The following RPS9 variants were observed in gnomAD, a reference collection of about 807,000 sequenced individuals.
RPS9 encodes the protein small ribosomal subunit protein uS4.
In RPS9, 1 loss-of-function variant was observed where a neutral mutation model predicts 16.9. The ratio of observed to expected loss-of-function variants is 0.06; its 90% CI spans 0.02 to 0.28. The LOEUF is 0.28. Among genes scored for constraint, RPS9 ranks in the 10% least tolerant of loss-of-function variants. The probability of loss-of-function intolerance (pLI) is 1.00; values close to 1 mark genes in which losing one functional copy is unlikely to be tolerated. For synonymous variants in RPS9, 106 were observed against 110.9 expected (o/e 0.96, Z 0.28); for missense variants, 137 against 273.2 (o/e 0.50, Z 3.51).
At chr19:54,202,821 A>T in intron 3 of RPS9, 1 of 985,432 alleles carries the variant, frequency 1.0e-6, no homozygotes, top group Non-Finnish European at 1.2e-6. Flanking sequence ...GCGCATGTTT[A>T]GCTACAGATT....
intron 4 of RPS9, chr19:54,206,806 C>A: frequency 8.0e-7 from 1 of 1,244,530 alleles, no homozygotes; most frequent in Non-Finnish European, 1.1e-6. Flanking sequence ...TCTCCTGGCC[C>A]GCTTGTGAAG....
At chr19:54,204,294 G>C (rs1240927873) in intron 3 of RPS9, among the ~76,000 whole-genome samples, 4 of 152,220 alleles carry the variant, frequency 2.6e-5, no homozygotes, top group African/African-American at 9.6e-5. Context: ...AATCCCAGGA[G>C]GCGGAGTTTG....
At chr19:54,206,067 C>T (rs1600767270) in intron 3 of RPS9, among the ~76,000 whole-genome samples, 2 of 152,204 alleles carry the variant, frequency 1.3e-5, no homozygotes, top group Admixed American at 6.5e-5. Flanking sequence ...TGATCCGTCT[C>T]GGACTCCCAA....
intron 3 of RPS9, chr19:54,202,578 G>A (rs982462561): frequency 5.1e-6 from 5 of 984,258 alleles, no homozygotes; most frequent in East Asian, 1.1e-4. Flanking sequence ...ACATTAAATT[G>A]AAAATGTACC....
intron 3 of RPS9, among the ~76,000 whole-genome samples, chr19:54,203,788 G>A: frequency 1.8e-5 from 1 of 56,864 alleles, no homozygotes; most frequent in Middle Eastern, 0.01. Context: ...CCACCCCCCA[G>A]CACAACTGTG....
rs77594199 is a variant in RPS9, at chr19:54,207,284, G to T, written c.408-114G>T. ...AGGTGCACCCTTCCTGCAGCGCCTT[G>T]GTGTCTGCAGCCGTGGCGGCCTCAC... On this transcript the variant is annotated intron_variant, in intron 4 of 4. Coordinates refer to ENST00000302907, the MANE Select transcript of RPS9 (RefSeq NM_001013.4). 7.7e-3 allele frequency: 6,550 copies of T among 848,578 alleles called. 283 individuals carry two copies. The African/African-American group carries it at 0.099, about 13-fold the overall frequency. 52.6% of individuals were successfully genotyped at this position (848,578 alleles called of 1,614,324 possible).
At chr19:54,205,212 C>T (rs987268450) in intron 3 of RPS9, among the ~76,000 whole-genome samples, 3 of 151,860 alleles carry the variant, frequency 2.0e-5, no homozygotes, top group African/African-American at 7.3e-5. Context: ...TAGCAGTGAG[C>T]GGGAGCCTAG....
intron 2 of RPS9, 101 bp downstream of exon 2, chr19:54,201,382 T>C (rs1568885378): frequency 1.2e-6 from 2 of 1,606,874 alleles, no homozygotes; most frequent in Non-Finnish European, 1.7e-6. Context: ...CCCCTAAATT[T>C]GGTACTATTC....
At position 54,201,232 on chromosome 19, in the gene RPS9, G is replaced by T. The variant is rs1347086452; in HGVS notation, c.48G>T (p.Pro16=). The change falls in exon 2 of 5, where the codon CCG becomes CCT. Residue 16 remains proline (P), a synonymous_variant. Transcript: ENST00000302907. ...SWVCRKTYVT[P]RRPFEKSRLD... is the part of the protein sequence containing the mutation. The stretch of plus-strand genomic sequence containing the variant: ...TTTGTCGCAAAACTTATGTGACCCC[G>T]CGGAGACCCTTCGAGAAATCTCGTC... 1 of 1,612,058 alleles carries T rather than the reference G, an allele frequency of 6.2e-7. No individual in the cohort carries two copies. Among genetic ancestry groups the T allele is most frequent in the Admixed American group, 1.7e-5 (1 of 59,852 alleles).
intron 1 of RPS9, 86 bp downstream of exon 1, chr19:54,200,974 C>T: frequency 7.0e-7 from 1 of 1,425,406 alleles, no homozygotes; most frequent in Non-Finnish European, 9.1e-7. Context: ...AAGCTAAAGA[C>T]GTTAGGAAAC....
intron 4 of RPS9, 135 bp downstream of exon 4, chr19:54,206,597 C>G: frequency 1.3e-6 from 2 of 1,552,274 alleles, no homozygotes; most frequent in Non-Finnish European, 1.7e-6. Flanking sequence ...GGTACAGATT[C>G]ACCCTTGCAC....
At chr19:54,204,690 A>G (rs2077181493) in intron 3 of RPS9, among the ~76,000 whole-genome samples, 1 of 152,222 alleles carries the variant, frequency 6.6e-6, no homozygotes, top group African/African-American at 2.4e-5. Context: ...TTGGGTTTAT[A>G]GGCCAGGCAT....
chr19:54,203,156 C>T (rs775881948), intron 3 of RPS9: 63 of 932,392 alleles, frequency 6.8e-5, no homozygotes, highest in Non-Finnish European at 7.8e-5. Flanking sequence ...ACTTTCTGGA[C>T]ATAGATCCTA....
At chr19:54,204,056 C>T (rs1359146141) in intron 3 of RPS9, among the ~76,000 whole-genome samples, 1 of 152,108 alleles carries the variant, frequency 6.6e-6, no homozygotes, top group African/African-American at 2.4e-5. Flanking sequence ...GTGGCTGACT[C>T]TCCTGTTCTT....
intron 3 of RPS9, among the ~76,000 whole-genome samples, chr19:54,204,561 C>A (rs941778133): frequency 6.6e-6 from 1 of 152,190 alleles, no homozygotes; most frequent in South Asian, 2.1e-4. Context: ...CCACCATGCC[C>A]GGCTAATTTA....
At chr19:54,202,422 C>T in intron 3 of RPS9, 1 of 985,042 alleles carries the variant, frequency 1.0e-6, no homozygotes. Flanking sequence ...TTAAGCTGGT[C>T]AAGGACATTT....
chr19:54,205,216 A>G (rs2077198322), intron 3 of RPS9, among the ~76,000 whole-genome samples: 1 of 151,928 alleles, frequency 6.6e-6, no homozygotes, highest in African/African-American at 2.4e-5. Context: ...AGTGAGCGGG[A>G]GCCTAGGGGA....
intron 3 of RPS9, chr19:54,202,531 T>C (rs1284550614): frequency 1.0e-6 from 1 of 979,278 alleles, no homozygotes; most frequent in East Asian, 1.1e-4. Context: ...GCAGATCACA[T>C]AGACTTAGGC....
At chr19:54,202,675 C>T (rs2077100284) in intron 3 of RPS9, 1 of 985,394 alleles carries the variant, frequency 1.0e-6, no homozygotes, top group Non-Finnish European at 1.2e-6. Flanking sequence ...CCAAGATTGG[C>T]ATTTGTATAT....
Sources: allele counts gnomAD v4.1 joint callset (sites outside exome capture counted in the v4.1 genomes callset), GRCh38; gene constraint gnomAD v4.1.1; transcripts MANE v1.5; gene names NCBI Gene and HGNC (gene_info 2026-07-23, HGNC 2026-07-21).